M1AP: variants seen among roughly 807,000 people sequenced by gnomAD.
The protein encoded by M1AP is meiosis 1 associated protein.
A neutral mutation model predicts 51.2 loss-of-function variants in M1AP; 39 were observed. The observed-to-expected ratio is 0.76, with a 90% CI of 0.59 to 1.00. The LOEUF (loss-of-function observed/expected upper bound fraction) is 1.00, where lower values mean the gene tolerates loss of function less well. Among genes scored for constraint, M1AP ranks in the 50% least tolerant of loss-of-function variants. The pLI is 0.00. For synonymous variants in M1AP, 251 were observed against 249.2 expected (o/e 1.01, Z -0.07); for missense variants, 545 against 641.2 (o/e 0.85, Z 1.62).
chr2:74,606,942 G>A (rs568303431), intron 4 of M1AP, 113 bp downstream of exon 4: 20 of 652,216 alleles, frequency 3.1e-5, no homozygotes, highest in African/African-American at 7.3e-5. Flanking sequence ...TGTGCACAAC[G>A]TGCAGGTTTG....
chr2:74,638,568 GCTCT>G (rs1156908266), intron 2 of M1AP, among the ~76,000 whole-genome samples: 1 of 152,024 alleles, frequency 6.6e-6, no homozygotes, highest in Non-Finnish European at 1.5e-5. Context: ...CTTCTTCATT[GCTCT>G]CTCTCTCTTT....
intron 5 of M1AP, among the ~76,000 whole-genome samples, chr2:74,578,710 A>C (rs1679233534): frequency 6.6e-6 from 1 of 152,194 alleles, no homozygotes; most frequent in African/African-American, 2.4e-5. Context: ...TTCTAAGGGA[A>C]GCACCTAAAG....
chr2:74,571,888 C>T (rs567786572), intron 7 of M1AP, among the ~76,000 whole-genome samples: 3 of 151,210 alleles, frequency 2.0e-5, no homozygotes, highest in East Asian at 2.0e-4. Flanking sequence ...CCCAGCTACT[C>T]GGGAGGCTGA....
At chr2:74,610,052 C>A (rs1347654921) in intron 3 of M1AP, among the ~76,000 whole-genome samples, 1 of 151,890 alleles carries the variant, frequency 6.6e-6, no homozygotes, top group Non-Finnish European at 1.5e-5. Flanking sequence ...GGTTGGAGTG[C>A]AGTGGTTCAA....
intron 2 of M1AP, chr2:74,618,727 T>C (rs1420802582): frequency 8.9e-6 from 2 of 225,714 alleles, no homozygotes; most frequent in Non-Finnish European, 1.8e-5. Context: ...TAGAAACTTC[T>C]ATATCCCGAA....
intron 2 of M1AP, among the ~76,000 whole-genome samples, chr2:74,629,651 C>G (rs1454894468): frequency 6.6e-6 from 1 of 151,942 alleles, no homozygotes; most frequent in Non-Finnish European, 1.5e-5. Flanking sequence ...ACTCGGGAGA[C>G]TGAGGCAGGA....
intron 4 of M1AP, among the ~76,000 whole-genome samples, chr2:74,585,898 T>C (rs943398153): frequency 2.6e-5 from 4 of 152,254 alleles, no homozygotes; most frequent in South Asian, 2.1e-4. Flanking sequence ...TTATTACTAC[T>C]ACCAGTTACT....
At chr2:74,647,869 G>A in intron 1 of M1AP, 1 of 281,726 alleles carries the variant, frequency 3.5e-6, no homozygotes, top group Non-Finnish European at 5.4e-6. Context: ...ACTCCAGCTT[G>A]GGCAACAAGG....
intron 6 of M1AP, 56 bp from the exon 7 acceptor site, chr2:74,575,635 T>G: frequency 7.4e-7 from 1 of 1,360,434 alleles, no homozygotes; most frequent in Admixed American, 1.8e-5. Context: ...AACCTCCACC[T>G]AGATCCACTT....
chr2:74,621,875 AGGTG>A (rs1237825152), intron 2 of M1AP, among the ~76,000 whole-genome samples: 2 of 150,880 alleles, frequency 1.3e-5, no homozygotes. Flanking sequence ...TGGGAGGCTG[AGGTG>A]GGTGGATCAC....
At chr2:74,603,475 T>C in intron 4 of M1AP, among the ~76,000 whole-genome samples, 1 of 152,218 alleles carries the variant, frequency 6.6e-6, no homozygotes, top group Non-Finnish European at 1.5e-5. Flanking sequence ...GATGTCGTTG[T>C]TCTAAGAAGA....
intron 4 of M1AP, among the ~76,000 whole-genome samples, chr2:74,593,608 T>C (rs1680167540): frequency 6.6e-6 from 1 of 152,194 alleles, no homozygotes; most frequent in South Asian, 2.1e-4. Flanking sequence ...CTTGAACTCC[T>C]GGCCTCAAGT....
intron 2 of M1AP, among the ~76,000 whole-genome samples, chr2:74,638,345 A>G (rs1024064057): frequency 6.6e-6 from 1 of 152,144 alleles, no homozygotes; most frequent in African/African-American, 2.4e-5. Flanking sequence ...CCTATCACCC[A>G]GGGGGCTTTG....
rs540346738 is a variant in M1AP at position 74,560,189 on chromosome 2, G to A, written c.1384C>T (p.Arg462Trp). The A allele has an allele frequency of 6.2e-6, 10 of 1,613,926 alleles. No individual in the cohort carries two copies. The East Asian group carries it at 1.3e-4, about 22-fold the overall frequency. Residue 462 changes from arginine (R) to tryptophan (W), a missense_variant, in exon 9 of 11, where the codon CGG (arginine) becomes TGG (tryptophan). Coordinates refer to ENST00000421985, the MANE Select transcript of M1AP (RefSeq NM_001321739.2). ...LSSIYAKPQGRLHPHWESRAP... is the reference protein window; with the variant it reads ...LSSIYAKPQGWLHPHWESRAP... ...CGGCTCTCCCAGTGTGGGTGGAGCC[G>A]CCCCTGAGGCTTGGCATAGATGCTG... is the stretch of plus-strand genomic sequence containing the variant.
At chr2:74,618,330 C>T (rs1363830522) in intron 2 of M1AP, among the ~76,000 whole-genome samples, 1 of 152,208 alleles carries the variant, frequency 6.6e-6, no homozygotes, top group Non-Finnish European at 1.5e-5. Flanking sequence ...TGTCCTCCCA[C>T]CAGACACCAC....
chr2:74,567,570 G>GA (rs1678469953), intron 7 of M1AP, among the ~76,000 whole-genome samples: 1 of 152,212 alleles, frequency 6.6e-6, no homozygotes, highest in Admixed American at 6.5e-5. Context: ...TGGTTATGGG[G>GA]ATAAAATAAG....
intron 4 of M1AP, among the ~76,000 whole-genome samples, chr2:74,606,463 C>T (rs983586962): frequency 1.3e-5 from 2 of 152,080 alleles, no homozygotes; most frequent in African/African-American, 2.4e-5. Context: ...CATTAAAAAA[C>T]GAGTCTGATC....
intron 4 of M1AP, among the ~76,000 whole-genome samples, chr2:74,605,833 G>A (rs1487224692): frequency 2.0e-5 from 3 of 151,842 alleles, no homozygotes; most frequent in Non-Finnish European, 4.4e-5. Flanking sequence ...CCTGGGAGGC[G>A]GAGCTTGCAG....
At chr2:74,571,853 A>T (rs549204370) in intron 7 of M1AP, among the ~76,000 whole-genome samples, 11 of 152,164 alleles carry the variant, frequency 7.2e-5, no homozygotes, top group African/African-American at 2.6e-4. Context: ...AAAATTAGCC[A>T]GATGTGGTGG....
Sources: allele counts gnomAD v4.1 joint callset (sites outside exome capture counted in the v4.1 genomes callset), GRCh38; gene constraint gnomAD v4.1.1; transcripts MANE v1.5; gene names NCBI Gene and HGNC (gene_info 2026-07-23, HGNC 2026-07-21).